The following RASSF6 variants were observed in gnomAD, a reference collection of about 807,000 sequenced individuals.
RASSF6 encodes ras association domain-containing protein 6.
A neutral mutation model predicts 44.0 loss-of-function variants in RASSF6; 52 were observed. The observed-to-expected ratio is 1.18, with a 90% CI of 0.95 to 1.49. The LOEUF is 1.49. RASSF6 is among the 40% of genes most tolerant of loss of function. RASSF6 has a pLI of 0.00. For missense variants in RASSF6, 464 were observed against 393.3 expected, an observed-to-expected ratio of 1.18 and a Z score of -1.52; for synonymous variants, 162 against 124.6, an observed-to-expected ratio of 1.30 and a Z score of -2.00.
At chr4:73,583,863 T>G (rs555450159) in intron 6 of RASSF6, among the ~76,000 whole-genome samples, 5 of 152,230 alleles carry the variant, frequency 3.3e-5, no homozygotes, top group Non-Finnish European at 4.4e-5. Context: ...TCAGCAAGAA[T>G]GTAAAACCAG....
intron 2 of RASSF6, among the ~76,000 whole-genome samples, chr4:73,610,200 T>A: frequency 6.6e-6 from 1 of 152,202 alleles, no homozygotes; most frequent in East Asian, 1.9e-4. Flanking sequence ...TCTCTTTCTC[T>A]CACACCCATG....
chr4:73,606,127 C>G (rs1399414570), intron 2 of RASSF6, among the ~76,000 whole-genome samples: 1 of 152,198 alleles, frequency 6.6e-6, no homozygotes, highest in African/African-American at 2.4e-5. Flanking sequence ...GTGTTTATCA[C>G]AACACTATTC....
chr4:73,603,578 A>G (rs1013176035), intron 2 of RASSF6, among the ~76,000 whole-genome samples: 3 of 152,162 alleles, frequency 2.0e-5, no homozygotes, highest in Non-Finnish European at 2.9e-5. Flanking sequence ...AGTTTACTGT[A>G]AAATGCTCTG....
intron 2 of RASSF6, among the ~76,000 whole-genome samples, chr4:73,605,783 G>A (rs1725579757): frequency 6.6e-6 from 1 of 152,150 alleles, no homozygotes; most frequent in African/African-American, 2.4e-5. Context: ...GCCAACATAT[G>A]TTATTTTTTG....
At chr4:73,619,589 C>G (rs911488265) in intron 1 of RASSF6, among the ~76,000 whole-genome samples, 7 of 152,158 alleles carry the variant, frequency 4.6e-5, no homozygotes, top group African/African-American at 1.7e-4. Context: ...GTGGCAGATC[C>G]TTTGATGATG....
At chr4:73,600,858 T>C (rs1271624682) in intron 2 of RASSF6, among the ~76,000 whole-genome samples, 1 of 152,242 alleles carries the variant, frequency 6.6e-6, no homozygotes, top group East Asian at 1.9e-4. Flanking sequence ...CCTGGGGTCA[T>C]TGTCATAGGA....
Position 73,575,951 on chromosome 4 carries a change from T to C in RASSF6, c.*284A>G, listed in dbSNP as rs114245551. 9.1e-4 allele frequency: 216 copies of C among 236,258 alleles called. 1 individual carries two copies. Among genetic ancestry groups the C allele is most frequent in the African/African-American group, 4.3e-3 (193 of 44,684 alleles). 14.6% of individuals were successfully genotyped at this position (236,258 alleles called of 1,614,324 possible). ...TTAAACTGCTTATCTGAAGACACCA[T>C]TTAAATTTGAGTTCATTACATGGTT... On this transcript the variant is annotated 3_prime_UTR_variant, in exon 11 of 11. Transcript: ENST00000307439.
chr4:73,617,647 C>T (rs889189481), intron 1 of RASSF6, among the ~76,000 whole-genome samples: 7 of 152,206 alleles, frequency 4.6e-5, no homozygotes, highest in African/African-American at 1.7e-4. Flanking sequence ...TTTAAGTTAA[C>T]ATCCTTATTA....
At chr4:73,595,497 C>T (rs1287790228) in intron 3 of RASSF6, among the ~76,000 whole-genome samples, 1 of 152,068 alleles carries the variant, frequency 6.6e-6, no homozygotes, top group African/African-American at 2.4e-5. Context: ...CAGCACCTGA[C>T]CTGAATAACT....
intron 8 of RASSF6, among the ~76,000 whole-genome samples, chr4:73,578,912 C>T (rs959834872): frequency 1.8e-4 from 27 of 151,770 alleles, no homozygotes; most frequent in Admixed American, 1.2e-3. Context: ...GTGCCTGACA[C>T]CCCCCTTCTC....
chr4:73,602,819 T>C (rs186340122), intron 2 of RASSF6, among the ~76,000 whole-genome samples: 1 of 152,312 alleles, frequency 6.6e-6, no homozygotes, highest in Non-Finnish European at 1.5e-5. Context: ...CCAGGCGCGG[T>C]GGCTCATGCC....
At chr4:73,589,133 T>C (rs1457325443) in intron 4 of RASSF6, among the ~76,000 whole-genome samples, 2 of 152,174 alleles carry the variant, frequency 1.3e-5, no homozygotes, top group Non-Finnish European at 2.9e-5. Flanking sequence ...AGTCTCACAA[T>C]AGCCTTATGA....
Position 73,576,478 on chromosome 4 carries a change from A to G in RASSF6, c.870T>C (p.Ser290=). 1.9e-6 allele frequency: 3 copies of G among 1,583,184 alleles called. No homozygotes were observed. The highest frequency in any genetic ancestry group is 2.6e-6 in the Non-Finnish European group (3 of 1,163,262). ...DVAQYINFHF[S]LLESILQRLN... ...ATCTTTGAAGAATGGATTCCAAGAG[A>G]GAAAAGTGAAAGTTAATGTACTGAG... The change falls in exon 10 of 11, where the codon TCT becomes TCC. Residue 290 remains serine, a synonymous_variant. Transcript: ENST00000307439.
intron 2 of RASSF6, among the ~76,000 whole-genome samples, chr4:73,601,629 T>G (rs997257597): frequency 6.6e-6 from 1 of 152,176 alleles, no homozygotes; most frequent in Non-Finnish European, 1.5e-5. Flanking sequence ...AAAAGAAAAT[T>G]TAGAAGTTGC....
chr4:73,583,785 A>C (rs1251667177), intron 6 of RASSF6, among the ~76,000 whole-genome samples: 5 of 152,138 alleles, frequency 3.3e-5, no homozygotes, highest in African/African-American at 1.2e-4. Flanking sequence ...TACTATTCTT[A>C]TGCTGAACTT....
At position 73,576,429 on chromosome 4, in the gene RASSF6, T is replaced by A. The variant is rs1723220607; in HGVS notation, c.919A>T (p.Ile307Phe). ...QRLNEEEKRE[I>F]QRIVTKFNKE... is the part of the protein sequence containing the mutation. ...ACTTACTTTGTTACTATTCTTTGAA[T>A]CTCTCTTTTCTCTTCTTCATTTAAT... Residue 307 changes from isoleucine (I) to phenylalanine (F), a missense_variant, in exon 10 of 11, where the codon ATT (isoleucine) becomes TTT (phenylalanine). Ile to Phe is a conservative substitution (Grantham distance 21). Coordinates refer to ENST00000307439, the MANE Select transcript of RASSF6 (RefSeq NM_177532.5). 1 of 1,572,004 alleles carries A rather than the reference T, an allele frequency of 6.4e-7. No homozygotes were observed. Among genetic ancestry groups the A allele is most frequent in the Non-Finnish European group, 8.7e-7 (1 of 1,152,294 alleles).
At chr4:73,613,911 G>A (rs998804998) in intron 1 of RASSF6, among the ~76,000 whole-genome samples, 2 of 151,800 alleles carry the variant, frequency 1.3e-5, no homozygotes, top group Admixed American at 6.6e-5. Flanking sequence ...CCAGGTAATC[G>A]AATCTGTCTC....
At chr4:73,598,855 C>T (rs1398054326) in intron 2 of RASSF6, 137 bp from the exon 3 acceptor site, 3 of 474,860 alleles carry the variant, frequency 6.3e-6, no homozygotes, top group Non-Finnish European at 1.1e-5. Flanking sequence ...TTTAACTTAA[C>T]ATAAGTCATT....
At chr4:73,607,449 T>A (rs1725717578) in intron 2 of RASSF6, among the ~76,000 whole-genome samples, 1 of 152,212 alleles carries the variant, frequency 6.6e-6, no homozygotes, top group Admixed American at 6.5e-5. Flanking sequence ...TGAACTTTGA[T>A]AGCTCCTTCT....
Sources: allele counts gnomAD v4.1 joint callset (sites outside exome capture counted in the v4.1 genomes callset), GRCh38; gene constraint gnomAD v4.1.1; transcripts MANE v1.5; gene names NCBI Gene and HGNC (gene_info 2026-07-23, HGNC 2026-07-21).